Variants in OMA1 observed in about 807,000 individuals in gnomAD.
The protein encoded by OMA1 is metalloendopeptidase OMA1, mitochondrial.
In OMA1, 38 loss-of-function variants were observed where a neutral mutation model predicts 30.9. The observed-to-expected ratio is 1.23, with a 90% CI of 0.95 to 1.61. The LOEUF (loss-of-function observed/expected upper bound fraction) is 1.61. OMA1 is among the 40% of genes most tolerant of loss of function. OMA1 has a pLI of 0.00. For synonymous variants in OMA1, 173 were observed against 121.9 expected (o/e 1.42, Z -2.76); for missense variants, 461 against 349.2 (o/e 1.32, Z -2.55).
intron 5 of OMA1, among the ~76,000 whole-genome samples, chr1:58,533,718 C>T (rs559658795): frequency 1.4e-3 from 214 of 152,068 alleles, no homozygotes; most frequent in Non-Finnish European, 2.6e-3. Context: ...GCAAAAGAGA[C>T]AGGTGATAAA....
intron 7 of OMA1, among the ~76,000 whole-genome samples, chr1:58,516,778 A>G (rs891856775): frequency 2.6e-5 from 4 of 152,182 alleles, no homozygotes; most frequent in Admixed American, 2.6e-4. Context: ...CCCAGTAACC[A>G]AGCTCACAAG....
intron 3 of OMA1, 42 bp from the exon 4 acceptor site, chr1:58,534,373 C>G (rs375166922): frequency 1.4e-4 from 106 of 784,850 alleles, no homozygotes; most frequent in Non-Finnish European, 1.9e-4. Flanking sequence ...AAGAGCACTA[C>G]AAAATGCTTA....
chr1:58,536,376 G>C, intron 3 of OMA1, 137 bp downstream of exon 3: 1 of 611,868 alleles, frequency 1.6e-6, no homozygotes, highest in Non-Finnish European at 2.9e-6. Context: ...AAAGGTCTGA[G>C]GCCTTCGGGA....
At chr1:58,507,646 T>G (rs981723241) in intron 7 of OMA1, among the ~76,000 whole-genome samples, 1 of 152,032 alleles carries the variant, frequency 6.6e-6, no homozygotes, top group East Asian at 1.9e-4. Context: ...ATATTATTCA[T>G]GTTTATACAC....
chr1:58,544,016 C>A (rs149803710), intron 1 of OMA1, among the ~76,000 whole-genome samples: 1 of 152,248 alleles, frequency 6.6e-6, no homozygotes, highest in African/African-American at 2.4e-5. Context: ...AGGGTCCAGG[C>A]AAGTGAATAT....
intron 7 of OMA1, among the ~76,000 whole-genome samples, chr1:58,511,007 T>C (rs1163718812): frequency 6.6e-6 from 1 of 152,180 alleles, no homozygotes; most frequent in African/African-American, 2.4e-5. Context: ...CATCCCATGT[T>C]CATGGATTGT....
chr1:58,537,442 G>A (rs943792669), intron 2 of OMA1, among the ~76,000 whole-genome samples: 3 of 152,132 alleles, frequency 2.0e-5, no homozygotes, highest in Non-Finnish European at 2.9e-5. Context: ...TCTTTACAAC[G>A]TGAAAAAGGA....
intron 5 of OMA1, among the ~76,000 whole-genome samples, chr1:58,531,944 T>C (rs564508770): frequency 1.5e-4 from 23 of 152,192 alleles, no homozygotes; most frequent in African/African-American, 4.1e-4. Flanking sequence ...CCTGACCTCA[T>C]GATCCACCCA....
chr1:58,496,555 T>C (rs984678444), intron 8 of OMA1, among the ~76,000 whole-genome samples: 1 of 152,188 alleles, frequency 6.6e-6, no homozygotes, highest in Non-Finnish European at 1.5e-5. Context: ...ACAATGAGCA[T>C]TTCAGAGGCT....
chr1:58,511,476 T>C (rs954464895), intron 7 of OMA1, among the ~76,000 whole-genome samples: 1 of 151,870 alleles, frequency 6.6e-6, no homozygotes, highest in Non-Finnish European at 1.5e-5. Context: ...GGTGAAACCA[T>C]CTCTACAAAA....
chr1:58,493,808 G>A (rs1184119474), intron 8 of OMA1, among the ~76,000 whole-genome samples: 1 of 152,032 alleles, frequency 6.6e-6, no homozygotes, highest in Non-Finnish European at 1.5e-5. Flanking sequence ...CTCATGGGTA[G>A]GAAGAATCAA....
At chr1:58,539,382 TA>T in intron 1 of OMA1, 72 bp from the exon 2 acceptor site, 2 of 678,072 alleles carry the variant, frequency 2.9e-6, no homozygotes, top group South Asian at 1.9e-5. Flanking sequence ...TAACACTTAT[TA>T]AATAGGCGTG....
intron 8 of OMA1, among the ~76,000 whole-genome samples, chr1:58,499,927 T>C (rs1645879061): frequency 6.6e-6 from 1 of 152,010 alleles, no homozygotes; most frequent in Non-Finnish European, 1.5e-5. Flanking sequence ...AAACATCAAC[T>C]ACTTATTCAC....
intron 5 of OMA1, 51 bp from the exon 6 acceptor site, chr1:58,530,780 T>A: frequency 1.2e-6 from 1 of 832,672 alleles, no homozygotes; most frequent in Non-Finnish European, 2.1e-6. Context: ...TGAGACAGTA[T>A]ATGCTTACAT....
chr1:58,518,470 T>C (rs987413911), intron 7 of OMA1, among the ~76,000 whole-genome samples: 10 of 150,982 alleles, frequency 6.6e-5, no homozygotes, highest in African/African-American at 2.4e-4. Context: ...TGGAGGGGAG[T>C]AGGACTGGAG....
rs534040892 is a variant in OMA1 at position 58,493,947 on chromosome 1, C to T, written c.1365+12113G>A. On this transcript the variant is annotated intron_variant, in intron 8 of 8. Transcript: ENST00000371226. Reference sequence around the variant, plus strand: ...AAGTTCATATGGTACCAAAAAAGAGCCCTCATTGCCAAGTCAATCCTAAGC... The same window carrying T: ...AAGTTCATATGGTACCAAAAAAGAGTCCTCATTGCCAAGTCAATCCTAAGC... Among the ~76,000 whole-genome samples, 68 of 146,248 alleles carry T rather than the reference C, an allele frequency of 4.6e-4. 4 individuals are homozygous for T. Among genetic ancestry groups the T allele is most frequent in the African/African-American group, 1.7e-3 (66 of 39,708 alleles).
chr1:58,513,275 T>C (rs1324945693), intron 7 of OMA1, among the ~76,000 whole-genome samples: 1 of 152,172 alleles, frequency 6.6e-6, no homozygotes, highest in Non-Finnish European at 1.5e-5. Flanking sequence ...CTGCTTCCCC[T>C]TCCACCATGA....
chr1:58,493,052 G>A (rs1388712045), intron 8 of OMA1, among the ~76,000 whole-genome samples: 8 of 151,974 alleles, frequency 5.3e-5, no homozygotes, highest in African/African-American at 9.6e-5. Context: ...GCAGCACATC[G>A]AAAAGCTTAT....
chr1:58,489,582 T>A (rs985744559), intron 8 of OMA1, among the ~76,000 whole-genome samples: 1 of 152,132 alleles, frequency 6.6e-6, no homozygotes, highest in Non-Finnish European at 1.5e-5. Context: ...TCTGACAGCT[T>A]AGAAGAGAGT....
Sources: gnomAD v4.1 joint callset for allele counts (sites outside exome capture counted in the v4.1 genomes callset) on GRCh38, gnomAD v4.1.1 for gene constraint, MANE v1.5 for transcripts, NCBI Gene and HGNC (gene_info 2026-07-23, HGNC 2026-07-21) for gene names.